Variants in CACNA2D2 observed in about 807,000 individuals in gnomAD.
CACNA2D2 encodes the protein voltage-dependent calcium channel subunit alpha-2/delta-2.
Under a neutral mutation model 166.4 loss-of-function variants are expected in CACNA2D2, and 48 were observed. The observed-to-expected ratio is 0.29, with a 90% confidence interval of 0.23 to 0.37. The LOEUF is 0.37. Among genes scored for constraint, CACNA2D2 ranks in the 10% least tolerant of loss-of-function variants. The probability of loss-of-function intolerance (pLI) is 1.00; values close to 1 mark genes in which losing one functional copy is unlikely to be tolerated. For missense variants in CACNA2D2, 1,122 were observed against 1,433.0 expected (o/e 0.78, Z 3.50); for synonymous variants, 561 against 573.7 (o/e 0.98, Z 0.32).
At chr3:50,484,226 A>G (rs149842388) in intron 1 of CACNA2D2, among the ~76,000 whole-genome samples, 6 of 152,094 alleles carry the variant, frequency 3.9e-5, no homozygotes, top group Non-Finnish European at 8.8e-5. Flanking sequence ...TACAGGTTCC[A>G]CCTTTGCAAT....
At chr3:50,423,814 G>C (rs576019981) in intron 3 of CACNA2D2, among the ~76,000 whole-genome samples, 1 of 152,392 alleles carries the variant, frequency 6.6e-6, no homozygotes, top group East Asian at 1.9e-4. Context: ...GCTTCGAGCA[G>C]CTGGATACTT....
chr3:50,418,511 T>A (rs1227191362), intron 3 of CACNA2D2, among the ~76,000 whole-genome samples: 1 of 152,070 alleles, frequency 6.6e-6, no homozygotes, highest in Non-Finnish European at 1.5e-5. Flanking sequence ...CCCACTCAAC[T>A]CCTTGGGGAT....
At chr3:50,394,810 C>T (rs1424602731) in intron 3 of CACNA2D2, among the ~76,000 whole-genome samples, 1 of 152,270 alleles carries the variant, frequency 6.6e-6, no homozygotes, top group Non-Finnish European at 1.5e-5. Flanking sequence ...ACTGGGCACG[C>T]TGGGTGCCAG....
chr3:50,426,468 C>A (rs1707811580), intron 3 of CACNA2D2, among the ~76,000 whole-genome samples: 1 of 152,170 alleles, frequency 6.6e-6, no homozygotes. Flanking sequence ...TGGGGTGACA[C>A]CAGTCAGGAC....
chr3:50,471,245 C>T (rs1314415159), intron 2 of CACNA2D2, among the ~76,000 whole-genome samples: 1 of 151,954 alleles, frequency 6.6e-6, no homozygotes, highest in Non-Finnish European at 1.5e-5. Context: ...CTGTGCCATG[C>T]TTGCCACCCC....
chr3:50,462,113 G>C (rs1709614273), intron 2 of CACNA2D2, among the ~76,000 whole-genome samples: 1 of 152,220 alleles, frequency 6.6e-6, no homozygotes, highest in East Asian at 1.9e-4. Context: ...GCTGGGCACA[G>C]TGGCTCACAT....
chr3:50,477,819 G>A (rs2107099369), intron 1 of CACNA2D2, among the ~76,000 whole-genome samples: 1 of 152,188 alleles, frequency 6.6e-6, no homozygotes, highest in East Asian at 1.9e-4. Flanking sequence ...CAACTCCCTG[G>A]GCCTGCTGCC....
rs746422505 is a variant in CACNA2D2, at chr3:50,365,728, G to A, written c.2916-40C>T. 3.1e-6 allele frequency: 5 copies of A among 1,601,962 alleles called. No individual in the cohort carries two copies. The highest frequency in any genetic ancestry group is 2.2e-5 in the East Asian group (1 of 44,496). On this transcript the variant is annotated intron_variant, in intron 33 of 37. Coordinates refer to ENST00000424201, the MANE Select transcript of CACNA2D2 (RefSeq NM_006030.4). The surrounding 1 kb of genome is among the most constrained non-coding windows in gnomAD (Gnocchi z 4.5). Reference sequence around the variant, plus strand: ...GAGCCGAGTGCAGGTGGTCAGCAGAGGACGATGCCATGCCCTACTTCTCTT... The same window carrying A: ...GAGCCGAGTGCAGGTGGTCAGCAGAAGACGATGCCATGCCCTACTTCTCTT...
chr3:50,431,633 A>G (rs1708069268), intron 3 of CACNA2D2, among the ~76,000 whole-genome samples: 1 of 152,186 alleles, frequency 6.6e-6, no homozygotes, highest in Non-Finnish European at 1.5e-5. Context: ...TGATAGACTC[A>G]GCACACGGTG....
chr3:50,414,983 A>G (rs1694431748), intron 3 of CACNA2D2, among the ~76,000 whole-genome samples: 1 of 152,232 alleles, frequency 6.6e-6, no homozygotes, highest in Admixed American at 6.5e-5. Context: ...AGAGGCACTG[A>G]GGAGGAGGGA....
At chr3:50,445,487 C>T (rs1004564330) in intron 2 of CACNA2D2, among the ~76,000 whole-genome samples, 2 of 152,230 alleles carry the variant, frequency 1.3e-5, no homozygotes, top group African/African-American at 4.8e-5. Context: ...ACTCCCTCCT[C>T]TAAGTTTTCC....
intron 4 of CACNA2D2, among the ~76,000 whole-genome samples, chr3:50,388,310 C>T (rs911983770): frequency 1.2e-4 from 18 of 152,326 alleles, no homozygotes; most frequent in South Asian, 4.1e-4. Flanking sequence ...GAACCGAGCG[C>T]GGCTGACAGA....
chr3:50,362,781 T>A lies in CACNA2D2; in HGVS notation c.*1885A>T, dbSNP rs1258852581. ...TACCCAGTCCTCACCCCCAAGCTGA[T>A]ACAGTGGATGGGAACCATTTGAAGT... is the stretch of plus-strand genomic sequence containing the variant. On this transcript the variant is annotated 3_prime_UTR_variant, in exon 38 of 38. Coordinates refer to ENST00000424201, the MANE Select transcript of CACNA2D2 (RefSeq NM_006030.4). The A allele has an allele frequency of 5.7e-6, 1 of 174,672 alleles. No individual in the cohort carries two copies. The highest frequency in any genetic ancestry group is 1.5e-4 in the East Asian group (1 of 6,540). The allele number at this position is 174,672 out of a possible 1,614,324, so 10.8% of individuals were successfully genotyped here.
intron 4 of CACNA2D2, among the ~76,000 whole-genome samples, chr3:50,388,723 C>T (rs1428133400): frequency 6.6e-6 from 1 of 152,222 alleles, no homozygotes; most frequent in East Asian, 1.9e-4. Flanking sequence ...CTCCCCCAGG[C>T]AGGACTCTGG....
chr3:50,502,865 C>T (rs1438593640), intron 1 of CACNA2D2, among the ~76,000 whole-genome samples: 2 of 152,244 alleles, frequency 1.3e-5, no homozygotes, highest in Non-Finnish European at 2.9e-5. Flanking sequence ...TCGCTGGCCG[C>T]CCCTCTCACC....
chr3:50,496,323 ATG>A (rs537656670), intron 1 of CACNA2D2, among the ~76,000 whole-genome samples: 4 of 152,240 alleles, frequency 2.6e-5, no homozygotes, highest in South Asian at 2.1e-4. Flanking sequence ...ACATGCATCC[ATG>A]TGTGAGTACA....
intron 5 of CACNA2D2, among the ~76,000 whole-genome samples, chr3:50,386,546 A>G (rs1438808930): frequency 6.6e-6 from 1 of 152,196 alleles, no homozygotes; most frequent in African/African-American, 2.4e-5. Context: ...GCCAAGGGGA[A>G]GCACACCTGC....
rs538020283 is a variant in CACNA2D2 at position 50,487,401 on chromosome 3, C to T, written c.207-11202G>A. Among the ~76,000 whole-genome samples the T allele has an allele frequency of 2.3e-3, 348 of 152,352 alleles. 3 individuals carry two copies. Among genetic ancestry groups the T allele is most frequent in the African/African-American group, 8.1e-3 (336 of 41,574 alleles). On this transcript the variant is annotated intron_variant, in intron 1 of 37. Coordinates refer to ENST00000424201, the MANE Select transcript of CACNA2D2 (RefSeq NM_006030.4). ...GTTGGCCAGCAGGGCAGAGCCCCAG[C>T]TCCCTCCAATGCCCCCACCAGGGAG... is the stretch of plus-strand genomic sequence containing the variant.
At position 50,363,259 on chromosome 3, in the gene CACNA2D2, C is replaced by G. The variant is rs1286780603; in HGVS notation, c.*1407G>C. 3 of 391,334 alleles carry G rather than the reference C, an allele frequency of 7.7e-6. No individual in the cohort carries two copies. Among genetic ancestry groups the G allele is most frequent in the Non-Finnish European group, 1.4e-5 (3 of 221,364 alleles). The allele number at this position is 391,334 out of a possible 1,614,324, so 24.2% of individuals were successfully genotyped here. A position where few individuals can be genotyped will look rare whatever the true frequency, so the allele number is the denominator to read the frequency against. Reference sequence around the variant, plus strand: ...CCTGGCACCAGCAGTGGGCATGGACCACACACACACACTGAGAAAGCGACA... The same window carrying G: ...CCTGGCACCAGCAGTGGGCATGGACGACACACACACACTGAGAAAGCGACA... On this transcript the variant is annotated 3_prime_UTR_variant, in exon 38 of 38. Transcript: ENST00000424201.
Sources: allele counts gnomAD v4.1 joint callset (sites outside exome capture counted in the v4.1 genomes callset), GRCh38; gene constraint gnomAD v4.1.1; non-coding constraint Gnocchi (gnomAD v3.1); transcripts MANE v1.5; gene names NCBI Gene and HGNC (gene_info 2026-07-23, HGNC 2026-07-21).